Variants in HMGCS1 observed in about 807,000 individuals in gnomAD.
HMGCS1 encodes the protein hydroxymethylglutaryl-CoA synthase, cytoplasmic.
Under a neutral mutation model 52.3 loss-of-function variants are expected in HMGCS1, and 9 were observed. That is an observed-to-expected ratio of 0.17 (90% CI 0.10 to 0.30). The LOEUF is 0.30. HMGCS1 is among the 10% of genes least tolerant of loss of function. The pLI, the probability that HMGCS1 is intolerant of heterozygous loss-of-function variation, is 1.00. For missense variants in HMGCS1, 320 were observed against 620.9 expected, an observed-to-expected ratio of 0.52 and a Z score of 5.15; for synonymous variants, 176 against 214.4, an observed-to-expected ratio of 0.82 and a Z score of 1.57.
At chr5:43,302,546 C>G (rs1754372193) in intron 2 of HMGCS1, among the ~76,000 whole-genome samples, 1 of 152,160 alleles carries the variant, frequency 6.6e-6, no homozygotes, top group Non-Finnish European at 1.5e-5. Flanking sequence ...ATTGGGATTC[C>G]TCTTACAATT....
Position 43,296,970 on chromosome 5 carries a change from T to C in HMGCS1, c.739+32A>G, listed in dbSNP as rs545296066. 15 of 1,604,240 alleles carry C rather than the reference T, an allele frequency of 9.4e-6. No homozygotes were observed. In the South Asian group the frequency reaches 1.3e-4, roughly 14 times the overall value. On this transcript the variant is annotated intron_variant, in intron 5 of 10. Coordinates refer to ENST00000325110, the MANE Select transcript of HMGCS1 (RefSeq NM_001098272.3). ...AGTACATTAGACTGCTCTCAACTCATACCAAAACCAAGGAAAATGGGTAAA... is the reference window on the plus strand; with the variant it reads ...AGTACATTAGACTGCTCTCAACTCACACCAAAACCAAGGAAAATGGGTAAA...
chr5:43,291,430 G>C (rs6894240), intron 10 of HMGCS1, among the ~76,000 whole-genome samples: 5 of 151,822 alleles, frequency 3.3e-5, no homozygotes, highest in African/African-American at 7.3e-5. Context: ...ATCCATATGG[G>C]GGGGAGAGGA....
Position 43,291,079 on chromosome 5 carries a change from A to ACCCCCCCCCCCAGGCC in HMGCS1, c.*51_*52insGGCCTGGGGGGGGGGG. The ACCCCCCCCCCCAGGCC allele has an allele frequency of 3.8e-6, 3 of 780,096 alleles. No homozygotes were observed. The highest frequency in any genetic ancestry group is 4.6e-6 in the Non-Finnish European group (2 of 430,608). The allele number at this position is 780,096 out of a possible 1,614,324, so 48.3% of individuals were successfully genotyped here. On this transcript the variant is annotated 3_prime_UTR_variant, in exon 11 of 11. Transcript: ENST00000325110. ...ATCCCATTCCTCCAACTGTTCCCAT[A>ACCCCCCCCCCCAGGCC]CCCCCACCCCATGCCCACCCCACCC...
rs188967596 is a variant in HMGCS1 at position 43,311,042 on chromosome 5, T to G, written c.-70+2314A>C. Among the ~76,000 whole-genome samples the G allele has an allele frequency of 1.6e-3, 249 of 152,274 alleles. 2 individuals carry two copies. Among genetic ancestry groups the G allele is most frequent in the African/African-American group, 5.7e-3 (237 of 41,556 alleles). ...GATGAAGAGATTAAGAGTCTAGTTC[T>G]AGCCAGGCATGGTGGCTCACGCCTG... is the stretch of plus-strand genomic sequence containing the variant. On this transcript the variant is annotated intron_variant, in intron 1 of 10. Transcript: ENST00000325110.
chr5:43,305,781 C>CAAAAAA (rs58264994), intron 2 of HMGCS1, among the ~76,000 whole-genome samples: 1 of 86,780 alleles, frequency 1.2e-5, no homozygotes, highest in Non-Finnish European at 2.3e-5. Context: ...GACTCCGTCT[C>CAAAAAA]AAAAAAAAAA....
intron 2 of HMGCS1, among the ~76,000 whole-genome samples, chr5:43,306,588 C>G (rs1579665132): frequency 6.6e-6 from 1 of 152,188 alleles, no homozygotes; most frequent in East Asian, 1.9e-4. Context: ...AGGAAATGCT[C>G]ATTGGAACAT....
intron 1 of HMGCS1, among the ~76,000 whole-genome samples, chr5:43,310,734 C>G (rs1382580135): frequency 6.6e-6 from 1 of 152,018 alleles, no homozygotes; most frequent in Non-Finnish European, 1.5e-5. Context: ...AGCTGCAGCA[C>G]CATAATGTCT....
intron 1 of HMGCS1, among the ~76,000 whole-genome samples, chr5:43,312,149 A>G (rs909765393): frequency 2.0e-5 from 3 of 152,238 alleles, no homozygotes; most frequent in African/African-American, 7.2e-5. Flanking sequence ...GTATCTGTGC[A>G]ATAAAGTCCA....
intron 1 of HMGCS1, among the ~76,000 whole-genome samples, chr5:43,311,497 A>C (rs923589840): frequency 6.6e-6 from 1 of 152,190 alleles, no homozygotes; most frequent in Non-Finnish European, 1.5e-5. Flanking sequence ...TTTCTAAATG[A>C]AACTAATTGG....
chr5:43,297,582 T>C (rs1754093205), intron 4 of HMGCS1, among the ~76,000 whole-genome samples: 3 of 152,230 alleles, frequency 2.0e-5, no homozygotes, highest in Admixed American at 1.3e-4. Context: ...GGCTTACGCC[T>C]GTAATCCCAG....
chr5:43,305,120 G>A (rs1387759122), intron 2 of HMGCS1, among the ~76,000 whole-genome samples: 1 of 151,996 alleles, frequency 6.6e-6, no homozygotes, highest in East Asian at 1.9e-4. Flanking sequence ...TCAAGTAGCT[G>A]GGATTACAGG....
At chr5:43,300,498 G>A (rs1754259538) in intron 2 of HMGCS1, among the ~76,000 whole-genome samples, 1 of 152,140 alleles carries the variant, frequency 6.6e-6, no homozygotes, top group Non-Finnish European at 1.5e-5. Flanking sequence ...TGCAATTAAA[G>A]GTCTTAAGGG....
Position 43,290,360 on chromosome 5 carries a change from A to G in HMGCS1, c.*771T>C, listed in dbSNP as rs1344906422. 6.6e-6 allele frequency: 1 copy of G among 152,320 alleles called. No individual in the cohort carries two copies. The highest frequency in any genetic ancestry group is 2.4e-5 in the African/African-American group (1 of 41,460). 9.4% of individuals were successfully genotyped at this position (152,320 alleles called of 1,614,324 possible). On this transcript the variant is annotated 3_prime_UTR_variant, in exon 11 of 11. Transcript: ENST00000325110. ...ATCTCACTGTTGTTCAGCATAATCT[A>G]CCATGAACTGATTCAGGAGCACACC...
Position 43,290,942 on chromosome 5 carries a change from T to C in HMGCS1, c.*189A>G, listed in dbSNP as rs1365033501. 2 of 548,750 alleles carry C rather than the reference T, an allele frequency of 3.6e-6. No individual in the cohort carries two copies. Among genetic ancestry groups the C allele is most frequent in the East Asian group, 2.8e-5 (1 of 35,214 alleles). 34.0% of individuals were successfully genotyped at this position (548,750 alleles called of 1,614,324 possible). A position where few individuals can be genotyped will look rare whatever the true frequency, so the allele number is the denominator to read the frequency against. ...ATTGGCCAGACCACAACAGGAAGCA[T>C]GTCAGCAAATAGAGCAAAGAGACTT... On this transcript the variant is annotated 3_prime_UTR_variant, in exon 11 of 11. Coordinates refer to ENST00000325110, the MANE Select transcript of HMGCS1 (RefSeq NM_001098272.3).
intron 2 of HMGCS1, among the ~76,000 whole-genome samples, chr5:43,303,289 T>C (rs1005338567): frequency 6.6e-6 from 1 of 152,230 alleles, no homozygotes; most frequent in Non-Finnish European, 1.5e-5. Context: ...ATGGGGCCTT[T>C]GGAAAATAAT....
At position 43,304,706 on chromosome 5, in the gene HMGCS1, C is replaced by A. The variant is rs550912798; in HGVS notation, c.-11+3060G>T. On this transcript the variant is annotated intron_variant, in intron 2 of 10. Transcript: ENST00000325110. ...AAAAAACGTAGGTTAACTAAAATAA[C>A]CCACATACATCAAATGGAAAGTGAA... 2.0e-5 allele frequency among the ~76,000 whole-genome samples: 3 copies of A among 152,246 alleles called. No individual in the cohort carries two copies. In the South Asian group the frequency reaches 6.2e-4, roughly 32 times the overall value.
chr5:43,294,595 G>C, intron 7 of HMGCS1, 96 bp downstream of exon 7: 5 of 877,118 alleles, frequency 5.7e-6, no homozygotes, highest in Non-Finnish European at 5.1e-6. Context: ...AATTTTCTGT[G>C]ATCTACCACC....
intron 4 of HMGCS1, 42 bp downstream of exon 4, chr5:43,297,967 T>C (rs1274856039): frequency 2.5e-6 from 4 of 1,596,258 alleles, no homozygotes; most frequent in East Asian, 2.2e-5. Context: ...TTTCTCAGCA[T>C]ATTGTGCTAA....
At chr5:43,291,301 A>G in intron 10 of HMGCS1, 81 bp from the exon 11 acceptor site, 1 of 863,104 alleles carries the variant, frequency 1.2e-6, no homozygotes, top group South Asian at 1.4e-5. Flanking sequence ...AGTTTCTGTA[A>G]AGAAACTTAA....
Sources: gnomAD v4.1 joint callset for allele counts (sites outside exome capture counted in the v4.1 genomes callset) on GRCh38, gnomAD v4.1.1 for gene constraint, MANE v1.5 for transcripts, NCBI Gene and HGNC (gene_info 2026-07-23, HGNC 2026-07-21) for gene names.